Variants in LRP1B observed in about 807,000 individuals in gnomAD.
The protein encoded by LRP1B is low-density lipoprotein receptor-related protein 1B.
A neutral mutation model predicts 556.6 loss-of-function variants in LRP1B; 217 were observed. The observed-to-expected ratio is 0.39, with a 90% confidence interval of 0.35 to 0.44. The LOEUF (loss-of-function observed/expected upper bound fraction) is 0.44, where lower values mean the gene tolerates loss of function less well. LRP1B is among the 20% of genes least tolerant of loss of function. LRP1B has a pLI of 1.00. For missense variants in LRP1B, 5,053 were observed against 5,620.8 expected, an observed-to-expected ratio of 0.90 and a Z score of 3.23; for synonymous variants, 2,047 against 1,865.8, an observed-to-expected ratio of 1.10 and a Z score of -2.50.
chr2:140,624,486 C>T (rs568980398), intron 41 of LRP1B, among the ~76,000 whole-genome samples: 2 of 152,180 alleles, frequency 1.3e-5, no homozygotes, highest in Non-Finnish European at 2.9e-5. Flanking sequence ...ACTCTGCAAG[C>T]TTCTACCCCC....
chr2:141,605,027 G>T (rs914963500), intron 2 of LRP1B, among the ~76,000 whole-genome samples: 1 of 151,994 alleles, frequency 6.6e-6, no homozygotes, highest in East Asian at 1.9e-4. Flanking sequence ...AGTCTCTTGC[G>T]GCACGTAAGG....
At chr2:140,258,194 A>G (rs1485159576) in intron 86 of LRP1B, among the ~76,000 whole-genome samples, 2 of 152,118 alleles carry the variant, frequency 1.3e-5, no homozygotes, top group Non-Finnish European at 2.9e-5. Context: ...TTAATAAAAT[A>G]ATTAGATTGG....
chr2:141,451,799 C>T (rs904071074), intron 3 of LRP1B, among the ~76,000 whole-genome samples: 15 of 152,152 alleles, frequency 9.9e-5, no homozygotes, highest in African/African-American at 3.6e-4. Context: ...TCAGCTTAAA[C>T]TATTTTGCCA....
At chr2:141,592,262 T>C (rs1369791524) in intron 2 of LRP1B, among the ~76,000 whole-genome samples, 2 of 152,176 alleles carry the variant, frequency 1.3e-5, no homozygotes, top group Admixed American at 6.5e-5. Context: ...ATCAACTAGA[T>C]AGCTTATACG....
intron 41 of LRP1B, among the ~76,000 whole-genome samples, chr2:140,671,796 T>G (rs1685495456): frequency 6.6e-6 from 1 of 152,132 alleles, no homozygotes; most frequent in African/African-American, 2.4e-5. Context: ...TCACGTGAGG[T>G]AACAAATTCA....
At chr2:140,393,088 T>C (rs1452603912) in intron 66 of LRP1B, among the ~76,000 whole-genome samples, 4 of 151,942 alleles carry the variant, frequency 2.6e-5, no homozygotes, top group Admixed American at 1.3e-4. Flanking sequence ...CCACCAAGCC[T>C]GGCTAATTTG....
chr2:141,852,602 C>A (rs1008903622), intron 1 of LRP1B, among the ~76,000 whole-genome samples: 4 of 150,800 alleles, frequency 2.7e-5, no homozygotes, highest in African/African-American at 9.7e-5. Context: ...AGAAAGAGAC[C>A]AATAGGTCAA....
chr2:141,044,599 A>G (rs909988702), intron 11 of LRP1B, among the ~76,000 whole-genome samples: 5 of 151,800 alleles, frequency 3.3e-5, no homozygotes, highest in African/African-American at 1.2e-4. Flanking sequence ...CCCCATCAAA[A>G]AGTGGGCAAA....
At chr2:141,314,828 G>GTATATATA (rs1336670886) in intron 3 of LRP1B, among the ~76,000 whole-genome samples, 87 of 61,000 alleles carry the variant, frequency 1.4e-3, no homozygotes, top group Non-Finnish European at 6.4e-4. Context: ...ATATATATAT[G>GTATATATA]TGTATATATA....
chr2:142,126,082 G>A (rs374776519), intron 1 of LRP1B, among the ~76,000 whole-genome samples: 1 of 151,828 alleles, frequency 6.6e-6, no homozygotes, highest in Non-Finnish European at 1.5e-5. Context: ...GCTACTAAAT[G>A]TATTGCTTCA....
intron 3 of LRP1B, among the ~76,000 whole-genome samples, chr2:141,261,923 G>T (rs1240955200): frequency 6.6e-6 from 1 of 151,954 alleles, no homozygotes; most frequent in Admixed American, 6.6e-5. Flanking sequence ...TGGGTTATGT[G>T]GTAAGTGGAT....
chr2:140,911,364 A>G (rs12472481), intron 21 of LRP1B, among the ~76,000 whole-genome samples: 123,278 of 151,632 alleles, frequency 0.81, 50,438 homozygotes, highest in East Asian at 0.95. Flanking sequence ...TTGTAGGAGG[A>G]AGAGATACTT....
intron 18 of LRP1B, 129 bp from the exon 19 acceptor site, chr2:140,952,069 TAAAC>T: frequency 1.5e-6 from 1 of 661,846 alleles, no homozygotes; most frequent in Non-Finnish European, 2.7e-6. Context: ...AAATGGCAGA[TAAAC>T]AAATACAGTG....
intron 74 of LRP1B, 111 bp downstream of exon 74, chr2:140,357,868 A>G: frequency 1.7e-6 from 2 of 1,194,276 alleles, no homozygotes; most frequent in Non-Finnish European, 2.3e-6. Context: ...AAAGGGCATC[A>G]GTCAAGCATA....
Position 140,991,543 on chromosome 2 carries a change from T to C in LRP1B, c.2645-1886A>G, listed in dbSNP as rs148549607. Reference sequence around the variant, plus strand: ...ACTTATCTAATCACCCACTCATCCATGTGCCAGGCACTGTGCTAGACCGAG... The same window carrying C: ...ACTTATCTAATCACCCACTCATCCACGTGCCAGGCACTGTGCTAGACCGAG... On this transcript the variant is annotated intron_variant, in intron 16 of 90. Coordinates refer to ENST00000389484, the MANE Select transcript of LRP1B (RefSeq NM_018557.3). Among the ~76,000 whole-genome samples the C allele has an allele frequency of 2.8e-3, 420 of 152,226 alleles. 2 individuals are homozygous for C. Among genetic ancestry groups the C allele is most frequent in the African/African-American group, 9.6e-3 (401 of 41,562 alleles).
At chr2:140,455,417 C>G (rs1158312315) in intron 62 of LRP1B, among the ~76,000 whole-genome samples, 1 of 152,120 alleles carries the variant, frequency 6.6e-6, no homozygotes, top group African/African-American at 2.4e-5. Context: ...GAACTTTTCC[C>G]ATTTAATCTG....
chr2:141,421,835 C>T (rs1317186042), intron 3 of LRP1B, among the ~76,000 whole-genome samples: 1 of 152,186 alleles, frequency 6.6e-6, no homozygotes, highest in Non-Finnish European at 1.5e-5. Flanking sequence ...CCAATGATCT[C>T]ATTTTTAAGA....
At chr2:141,293,885 C>T (rs962449158) in intron 3 of LRP1B, among the ~76,000 whole-genome samples, 4 of 151,910 alleles carry the variant, frequency 2.6e-5, no homozygotes, top group Admixed American at 1.3e-4. Flanking sequence ...CAAGTATTAA[C>T]GTTCAAAAAT....
At chr2:141,435,595 C>G (rs1680733611) in intron 3 of LRP1B, among the ~76,000 whole-genome samples, 1 of 152,222 alleles carries the variant, frequency 6.6e-6, no homozygotes, top group Non-Finnish European at 1.5e-5. Flanking sequence ...ACACCCTGCA[C>G]TGGTGCAGGA....
Sources: gnomAD v4.1 joint callset for allele counts (sites outside exome capture counted in the v4.1 genomes callset) on GRCh38, gnomAD v4.1.1 for gene constraint, MANE v1.5 for transcripts, NCBI Gene and HGNC (gene_info 2026-07-23, HGNC 2026-07-21) for gene names.